OR9Q2: variants seen among roughly 807,000 people sequenced by gnomAD.
The protein encoded by OR9Q2 is olfactory receptor family 9 subfamily Q member 2, also known as olfactory receptor 9Q2.
In OR9Q2, 2 loss-of-function variants were observed where a neutral mutation model predicts 2.3. The ratio of observed to expected loss-of-function variants is 0.85; its 90% CI spans 0.35 to 2.68. The LOEUF is 2.68. Ranked by LOEUF, OR9Q2 falls within the 30% of genes most tolerant of loss-of-function variation. OR9Q2 has a pLI of 0.10. For synonymous variants in OR9Q2, 178 were observed against 158.6 expected (o/e 1.12, Z -0.92); for missense variants, 404 against 395.7 (o/e 1.02, Z -0.18).
rs1203330336 is a variant in OR9Q2, at chr11:58,190,429, C to T, written c.-62C>T. ...TTTGTTACTTGAAATCATTTGAACTCCTCTTGAGCTGTCCCCTCATCTGGC... is the reference window on the plus strand; with the variant it reads ...TTTGTTACTTGAAATCATTTGAACTTCTCTTGAGCTGTCCCCTCATCTGGC... On this transcript the variant is annotated 5_prime_UTR_variant, in exon 2 of 2. Transcript: ENST00000641291. 1.7e-5 allele frequency: 19 copies of T among 1,121,206 alleles called. No homozygotes were observed. Among genetic ancestry groups the T allele is most frequent in the Non-Finnish European group, 2.4e-5 (18 of 750,998 alleles). The allele number at this position is 1,121,206 out of a possible 1,614,324, so 69.5% of individuals were successfully genotyped here.
In OR9Q2 at chr11:58,190,696, T is replaced by G. The variant is rs776068735; in HGVS notation, c.206T>G (p.Val69Gly). The G allele has an allele frequency of 6.2e-7, 1 of 1,614,204 alleles. No homozygotes were observed. The highest frequency in any genetic ancestry group is 1.7e-5 in the Admixed American group (1 of 60,028). ...TTCTTCCTCAGCCACCTTTCCTTGGTGGACATCTGCTACTCGTCCGCCATC... is the reference window on the plus strand; with the variant it reads ...TTCTTCCTCAGCCACCTTTCCTTGGGGGACATCTGCTACTCGTCCGCCATC... The part of the protein sequence containing the change: ...MYFFLSHLSL[V>G]DICYSSAIIP... The change falls in exon 2 of 2, where the codon GTG becomes GGG. Residue 69 changes from valine (V) to glycine (G), a missense_variant. By Grantham distance (109) the Val-to-Gly change is moderately radical (BLOSUM62 -3). Transcript: ENST00000641291.
chr11:58,191,209 C>A lies in OR9Q2; in HGVS notation c.719C>A (p.Thr240Asn). 6.2e-7 allele frequency: 1 copy of A among 1,614,178 alleles called. No individual in the cohort carries two copies. The highest frequency in any genetic ancestry group is 2.2e-5 in the East Asian group (1 of 44,860). The change falls in exon 2 of 2, where the codon ACC (threonine) becomes AAC (asparagine). Residue 240 changes from threonine (T) to asparagine (N), a missense_variant. Transcript: ENST00000641291. ...SAGGRAKTFS[T>N]CASHLTAVAL... Reference sequence around the variant, plus strand: ...GGAGGCCGGGCCAAGACCTTCTCCACCTGCGCCTCCCACCTCACTGCCGTC... The same window carrying A: ...GGAGGCCGGGCCAAGACCTTCTCCAACTGCGCCTCCCACCTCACTGCCGTC...
chr11:58,190,378 G>T lies in OR9Q2; in HGVS notation c.-113G>T. ...GAAAAGTGTGTTGAAGTTGAGTGCCGACATGTAAGACATTCAATTTAAAGC... is the reference window on the plus strand; with the variant it reads ...GAAAAGTGTGTTGAAGTTGAGTGCCTACATGTAAGACATTCAATTTAAAGC... On this transcript the variant is annotated 5_prime_UTR_variant, in exon 2 of 2. Transcript: ENST00000641291. 1 of 697,164 alleles carries T rather than the reference G, an allele frequency of 1.4e-6. No individual in the cohort carries two copies. The highest frequency in any genetic ancestry group is 1.9e-5 in the South Asian group (1 of 53,948). 43.2% of individuals were successfully genotyped at this position (697,164 alleles called of 1,614,324 possible).
Position 58,191,955 on chromosome 11 carries a change from A to T in OR9Q2, c.*520A>T, listed in dbSNP as rs1294576842. 1 of 152,292 alleles carries T rather than the reference A, an allele frequency of 6.6e-6. No individual in the cohort carries two copies. Among genetic ancestry groups the T allele is most frequent in the African/African-American group, 2.4e-5 (1 of 41,454 alleles). 9.4% of individuals were successfully genotyped at this position (152,292 alleles called of 1,614,324 possible). A position where few individuals can be genotyped will look rare whatever the true frequency, so the allele number is the denominator to read the frequency against. ...CACAGTGCATTGCCCAACACAATAA[A>T]TACTTGATGAGTGAAGCAAGAATAT... On this transcript the variant is annotated 3_prime_UTR_variant, in exon 2 of 2. Transcript: ENST00000641291.
At position 58,190,862 on chromosome 11, in the gene OR9Q2, G is replaced by A; in HGVS notation, c.372G>A (p.Thr124=). The A allele has an allele frequency of 1.9e-6, 3 of 1,614,176 alleles. No homozygotes were observed. Among genetic ancestry groups the A allele is most frequent in the Non-Finnish European group, 2.5e-6 (3 of 1,180,030 alleles). ...CCATCATGGCCTATGACCGCTACAC[G>A]GCCGTGTGCCAGCCCCTGCTTTATG... ...LLAIMAYDRY[T]AVCQPLLYVT... Residue 124 remains threonine (T), a synonymous_variant, in exon 2 of 2, where the codon ACG becomes ACA. Transcript: ENST00000641291.
Position 58,193,365 on chromosome 11 carries a change from A to G in OR9Q2, c.*1930A>G, listed in dbSNP as rs1488106320. On this transcript the variant is annotated 3_prime_UTR_variant, in exon 2 of 2. Transcript: ENST00000641291. ...TAACTTAATTCTTAAGCTAGTGCAC[A>G]CTTACCATATCCTAGGTACAATGCT... 3 of 152,176 alleles carry G rather than the reference A, an allele frequency of 2.0e-5. No individual in the cohort carries two copies. In the East Asian group the frequency reaches 5.8e-4, roughly 29 times the overall value. The allele number at this position is 152,176 out of a possible 1,614,324, so 9.4% of individuals were successfully genotyped here.
At position 58,190,661 on chromosome 11, in the gene OR9Q2, C is replaced by T; in HGVS notation, c.171C>T (p.Thr57=). Residue 57 remains threonine (T), a synonymous_variant, in exon 2 of 2, where the codon ACC becomes ACT. Transcript: ENST00000641291. ...TCCGTGGCGATCGTCGGCTCCACACCCCGATGTACTTCTTCCTCAGCCACC... is the reference window on the plus strand; with the variant it reads ...TCCGTGGCGATCGTCGGCTCCACACTCCGATGTACTTCTTCCTCAGCCACC... ...LLIRGDRRLH[T]PMYFFLSHLS... 1 of 1,614,180 alleles carries T rather than the reference C, an allele frequency of 6.2e-7. No individual in the cohort carries two copies. Among genetic ancestry groups the T allele is most frequent in the Non-Finnish European group, 8.5e-7 (1 of 1,180,026 alleles).
rs1425989382 is a variant in OR9Q2, at chr11:58,191,431, C to T, written c.941C>T (p.Pro314Leu). 6.4e-7 allele frequency: 1 copy of T among 1,564,542 alleles called. No individual in the cohort carries two copies. The highest frequency in any genetic ancestry group is 8.7e-7 in the Non-Finnish European group (1 of 1,152,764). Reference sequence around the variant, plus strand: ...AGCAAATCAAAGCCTGCTAGAAGACCCTAAATGGACCCTTGTGAAATATAT... The same window carrying T: ...AGCAAATCAAAGCCTGCTAGAAGACTCTAAATGGACCCTTGTGAAATATAT... The part of the protein sequence containing the change: ...ALSKSKPARR[P>L] Residue 314 changes from proline to leucine, a missense_variant, in exon 2 of 2, where the codon CCC becomes CTC. Coordinates refer to ENST00000641291, the MANE Select transcript of OR9Q2 (RefSeq NM_001005283.3).
At position 58,191,117 on chromosome 11, in the gene OR9Q2, C is replaced by T. The variant is rs954203937; in HGVS notation, c.627C>T (p.Ala209=). Residue 209 remains alanine (A), a synonymous_variant, in exon 2 of 2, where the codon GCC becomes GCT. Coordinates refer to ENST00000641291, the MANE Select transcript of OR9Q2 (RefSeq NM_001005283.3). The part of the protein sequence containing the change: ...IIVFALFVMP[A]CILVILVSYL... ...TGTTTGCTCTTTTCGTCATGCCTGC[C>T]TGTATCTTGGTGATCTTGGTATCCT... 5 of 1,614,204 alleles carry T rather than the reference C, an allele frequency of 3.1e-6. No homozygotes were observed. Among genetic ancestry groups the T allele is most frequent in the Non-Finnish European group, 4.2e-6 (5 of 1,180,044 alleles).
At position 58,191,263 on chromosome 11, in the gene OR9Q2, T is replaced by G; in HGVS notation, c.773T>G (p.Met258Arg). The change falls in exon 2 of 2, where the codon ATG (methionine) becomes AGG (arginine). Residue 258 changes from methionine to arginine, a missense_variant. By Grantham distance (91) the Met-to-Arg change is moderately conservative (BLOSUM62 -1). Coordinates refer to ENST00000641291, the MANE Select transcript of OR9Q2 (RefSeq NM_001005283.3). ...VALFFGTLIF[M>R]YLRDNTGQSS... ...CTTTTCTTTGGCACCCTCATCTTCA[T>G]GTACCTGCGAGACAACACAGGCCAG... is the stretch of plus-strand genomic sequence containing the variant. 2 of 1,614,116 alleles carry G rather than the reference T, an allele frequency of 1.2e-6. No homozygotes were observed. The highest frequency in any genetic ancestry group is 1.1e-5 in the South Asian group (1 of 91,058).
At chr11:58,189,477 T>C (rs899106349) in intron 1 of OR9Q2, among the ~76,000 whole-genome samples, 1 of 152,144 alleles carries the variant, frequency 6.6e-6, no homozygotes, top group Admixed American at 6.5e-5. Flanking sequence ...AGCTCATGAC[T>C]TTCAGATCTA....
rs1311231210 is a variant in OR9Q2 at position 58,192,269 on chromosome 11, A to C, written c.*834A>C. ...TAGGTTCTATTATTATCTCTGCTTT[A>C]TAGGTAGGTGAGGCACTTGAGGCTT... On this transcript the variant is annotated 3_prime_UTR_variant, in exon 2 of 2. Transcript: ENST00000641291. 1.3e-5 allele frequency: 2 copies of C among 152,042 alleles called. No homozygotes were observed. Among genetic ancestry groups the C allele is most frequent in the Non-Finnish European group, 2.9e-5 (2 of 68,012 alleles). 9.4% of individuals were successfully genotyped at this position (152,042 alleles called of 1,614,324 possible).
Position 58,191,537 on chromosome 11 carries a change from A to G in OR9Q2, c.*102A>G. On this transcript the variant is annotated 3_prime_UTR_variant, in exon 2 of 2. Coordinates refer to ENST00000641291, the MANE Select transcript of OR9Q2 (RefSeq NM_001005283.3). The stretch of plus-strand genomic sequence containing the variant: ...ACTTTCCTAAATAACCCTATGCAAA[A>G]TCGCACCTGAACTTCCCACCTCCAC... 1 of 743,238 alleles carries G rather than the reference A, an allele frequency of 1.3e-6. No individual in the cohort carries two copies. The highest frequency in any genetic ancestry group is 2.9e-5 in the Admixed American group (1 of 33,974). The allele number at this position is 743,238 out of a possible 1,614,324, so 46.0% of individuals were successfully genotyped here. A position where few individuals can be genotyped will look rare whatever the true frequency, so the allele number is the denominator to read the frequency against.
At position 58,191,512 on chromosome 11, in the gene OR9Q2, A is replaced by C; in HGVS notation, c.*77A>C. 9.6e-7 allele frequency: 1 copy of C among 1,043,064 alleles called. No homozygotes were observed. Among genetic ancestry groups the C allele is most frequent in the Non-Finnish European group, 1.4e-6 (1 of 720,976 alleles). 64.6% of individuals were successfully genotyped at this position (1,043,064 alleles called of 1,614,324 possible). ...TTTCTCAATAGCACCTTCTGGAGAG[A>C]CTTTCCTAAATAACCCTATGCAAAA... On this transcript the variant is annotated 3_prime_UTR_variant, in exon 2 of 2. Coordinates refer to ENST00000641291, the MANE Select transcript of OR9Q2 (RefSeq NM_001005283.3).
Position 58,191,249 on chromosome 11 carries a change from C to T in OR9Q2, c.759C>T (p.Gly253=), listed in dbSNP as rs575917225. ...SHLTAVALFF[G]TLIFMYLRDN... ...TCACTGCCGTCGCTCTTTTCTTTGG[C>T]ACCCTCATCTTCATGTACCTGCGAG... Residue 253 remains glycine (G), a synonymous_variant, in exon 2 of 2, where the codon GGC becomes GGT. Transcript: ENST00000641291. The T allele has an allele frequency of 2.5e-6, 4 of 1,614,096 alleles. No individual in the cohort carries two copies. In the South Asian group the frequency reaches 4.4e-5, roughly 18 times the overall value.
At position 58,191,033 on chromosome 11, in the gene OR9Q2, CCCT is replaced by C; in HGVS notation, c.548_550del (p.Pro183del). Reference sequence around the variant, plus strand: ...AGATCAACTTCATTTTCTGTGACCTCCCTCCTCTATTAAAACTCTCCTGTGGGG... The same window carrying C: ...AGATCAACTTCATTTTCTGTGACCTCCCTCTATTAAAACTCTCCTGTGGGG... On this transcript the variant is annotated inframe_deletion, in exon 2 of 2. Coordinates refer to ENST00000641291, the MANE Select transcript of OR9Q2 (RefSeq NM_001005283.3). 6.2e-7 allele frequency: 1 copy of C among 1,614,156 alleles called. No individual in the cohort carries two copies. Among genetic ancestry groups the C allele is most frequent in the African/African-American group, 1.3e-5 (1 of 75,030 alleles).
rs763729181 is a variant in OR9Q2, at chr11:58,190,546, A to T, written c.56A>T (p.Glu19Val). The T allele has an allele frequency of 4.5e-5, 73 of 1,613,992 alleles. No homozygotes were observed. Among genetic ancestry groups the T allele is most frequent in the Non-Finnish European group, 6.0e-5 (71 of 1,180,020 alleles). ...GAGTTCTTCCTTACTGCATTTACTG[A>T]ACATCTCCAGTGGAGGGTTCCTCTC... The part of the protein sequence containing the change: ...VTEFFLTAFT[E>V]HLQWRVPLFL... Residue 19 changes from glutamate to valine, a missense_variant, in exon 2 of 2, where the codon GAA becomes GTA. Coordinates refer to ENST00000641291, the MANE Select transcript of OR9Q2 (RefSeq NM_001005283.3).
chr11:58,191,037 C>A lies in OR9Q2; in HGVS notation c.547C>A (p.Pro183Thr). ...EINFIFCDLP[P>T]LLKLSCGDSY... Reference sequence around the variant, plus strand: ...CAACTTCATTTTCTGTGACCTCCCTCCTCTATTAAAACTCTCCTGTGGGGA... The same window carrying A: ...CAACTTCATTTTCTGTGACCTCCCTACTCTATTAAAACTCTCCTGTGGGGA... Residue 183 changes from proline to threonine, a missense_variant, in exon 2 of 2, where the codon CCT becomes ACT. Pro to Thr is a conservative substitution (Grantham distance 38). Coordinates refer to ENST00000641291, the MANE Select transcript of OR9Q2 (RefSeq NM_001005283.3). 1 of 1,614,152 alleles carries A rather than the reference C, an allele frequency of 6.2e-7. No homozygotes were observed. Among genetic ancestry groups the A allele is most frequent in the South Asian group, 1.1e-5 (1 of 91,082 alleles).
chr11:58,190,324 T>G lies in OR9Q2; in HGVS notation c.-167T>G. 5.1e-6 allele frequency: 3 copies of G among 592,042 alleles called. No homozygotes were observed. Among genetic ancestry groups the G allele is most frequent in the Middle Eastern group, 8.9e-4 (2 of 2,236 alleles). 36.7% of individuals were successfully genotyped at this position (592,042 alleles called of 1,614,324 possible). A position where few individuals can be genotyped will look rare whatever the true frequency, so the allele number is the denominator to read the frequency against. Reference sequence around the variant, plus strand: ...CTTTTTATCTTATATTACAGTGAGCTCAATATCTGTCTATATCTATCTTCG... The same window carrying G: ...CTTTTTATCTTATATTACAGTGAGCGCAATATCTGTCTATATCTATCTTCG... On this transcript the variant is annotated 5_prime_UTR_variant, in exon 2 of 2. Coordinates refer to ENST00000641291, the MANE Select transcript of OR9Q2 (RefSeq NM_001005283.3).
Sources: allele counts gnomAD v4.1 joint callset (sites outside exome capture counted in the v4.1 genomes callset), GRCh38; gene constraint gnomAD v4.1.1; transcripts MANE v1.5; gene names NCBI Gene and HGNC (gene_info 2026-07-23, HGNC 2026-07-21).